The following DLC1 variants were observed in gnomAD, a reference collection of about 807,000 sequenced individuals.
The protein encoded by DLC1 is DLC1 Rho GTPase activating protein, also known as rho GTPase-activating protein 7.
Under a neutral mutation model 140.3 loss-of-function variants are expected in DLC1, and 54 were observed. The observed-to-expected ratio is 0.38, with a 90% CI of 0.31 to 0.48. The LOEUF (loss-of-function observed/expected upper bound fraction) is 0.48. Ranked by LOEUF, DLC1 falls within the 20% of genes least tolerant of loss-of-function variation. DLC1 has a pLI of 0.96. For missense variants in DLC1, 2,536 were observed against 1,907.0 expected, an observed-to-expected ratio of 1.33 and a Z score of -6.14; for synonymous variants, 986 against 728.1, an observed-to-expected ratio of 1.35 and a Z score of -5.70.
chr8:13,537,925 A>T (rs1803344412), intron 1 of DLC1, among the ~76,000 whole-genome samples: 1 of 152,110 alleles, frequency 6.6e-6, no homozygotes, highest in East Asian at 1.9e-4. Flanking sequence ...AAGTTCTGGG[A>T]TTACAGGCGT....
At chr8:13,095,314 T>C in intron 10 of DLC1, 69 bp from the exon 11 acceptor site, 1 of 1,592,738 alleles carries the variant, frequency 6.3e-7, no homozygotes, top group Non-Finnish European at 8.6e-7. Flanking sequence ...ACTTGTCCAA[T>C]TCTGCAGGCA....
At chr8:13,188,807 ATATATATATATATATATATG>A (rs1563149554) in intron 5 of DLC1, among the ~76,000 whole-genome samples, 5 of 36,896 alleles carry the variant, frequency 1.4e-4, no homozygotes, top group Admixed American at 5.8e-4. Context: ...GTGTGTATAT[ATATATATATATATATATATG>A]TATATATATA....
chr8:13,226,451 A>G (rs1005980876), intron 5 of DLC1, among the ~76,000 whole-genome samples: 3 of 152,208 alleles, frequency 2.0e-5, no homozygotes, highest in Non-Finnish European at 4.4e-5. Context: ...GTACTGATAT[A>G]TGGGCTAAAA....
At position 13,328,007 on chromosome 8, in the gene DLC1, A is replaced by T. The variant is rs1563256885; in HGVS notation, c.1315-22705T>A. Among the ~76,000 whole-genome samples the T allele has an allele frequency of 3.3e-5, 5 of 152,216 alleles. No homozygotes were observed. In the South Asian group the frequency reaches 1.0e-3, roughly 31 times the overall value. On this transcript the variant is annotated intron_variant, in intron 4 of 17. Transcript: ENST00000276297. ...AAAGTTCTAGGTAAGAATCTTGGCA[A>T]GAGTTCCAAGCTAGGATCTTAAAAT...
At chr8:13,288,744 C>T (rs1476033892) in intron 5 of DLC1, among the ~76,000 whole-genome samples, 1 of 152,128 alleles carries the variant, frequency 6.6e-6, no homozygotes, top group Non-Finnish European at 1.5e-5. Flanking sequence ...CTGCCCCTTT[C>T]CCCCTTTATT....
At chr8:13,254,335 C>T (rs1460631452) in intron 5 of DLC1, among the ~76,000 whole-genome samples, 4 of 152,212 alleles carry the variant, frequency 2.6e-5, no homozygotes, top group African/African-American at 7.2e-5. Flanking sequence ...ACTCAGGGGC[C>T]GGCTGCCTTT....
chr8:13,604,384 C>T (rs1805980055), intron 1 of DLC1, among the ~76,000 whole-genome samples: 1 of 152,132 alleles, frequency 6.6e-6, no homozygotes, highest in Admixed American at 6.6e-5. Context: ...TAGTCACAGA[C>T]ATTTTTCTTT....
chr8:13,125,630 C>T (rs908004290), intron 5 of DLC1, among the ~76,000 whole-genome samples: 1 of 152,108 alleles, frequency 6.6e-6, no homozygotes, highest in Non-Finnish European at 1.5e-5. Flanking sequence ...CCAGGTTAGG[C>T]CCTTCTTGCC....
intron 5 of DLC1, among the ~76,000 whole-genome samples, chr8:13,272,401 A>G (rs915531954): frequency 6.6e-6 from 1 of 152,144 alleles, no homozygotes; most frequent in Non-Finnish European, 1.5e-5. Flanking sequence ...AGATCATGCC[A>G]CTGCACTCCA....
chr8:13,417,545 C>T lies in DLC1; in HGVS notation c.1024-15926G>A, dbSNP rs75289409. Among the ~76,000 whole-genome samples, 330 of 151,144 alleles carry T rather than the reference C, an allele frequency of 2.2e-3. 2 individuals carry two copies. Among genetic ancestry groups the T allele is most frequent in the Middle Eastern group, 3.4e-3 (1 of 290 alleles). On this transcript the variant is annotated intron_variant, in intron 2 of 17. Coordinates refer to ENST00000276297, the MANE Select transcript of DLC1 (RefSeq NM_182643.3). ...TCCCTACAAAGGACATGAACTCATCCTTTTTTATGGCTGCATAGTATTCCA... is the reference window on the plus strand; with the variant it reads ...TCCCTACAAAGGACATGAACTCATCTTTTTTTATGGCTGCATAGTATTCCA...
At chr8:13,275,649 C>G (rs1831131705) in intron 5 of DLC1, among the ~76,000 whole-genome samples, 1 of 152,186 alleles carries the variant, frequency 6.6e-6, no homozygotes, top group East Asian at 1.9e-4. Flanking sequence ...GTGGCTGTCA[C>G]ATGAGCCCTA....
chr8:13,576,735 A>G (rs769635457), intron 1 of DLC1, among the ~76,000 whole-genome samples: 3 of 152,152 alleles, frequency 2.0e-5, no homozygotes. Flanking sequence ...AGAGTAGGGT[A>G]TGATCAGTAC....
chr8:13,494,544 C>T (rs988678815), intron 2 of DLC1, among the ~76,000 whole-genome samples: 6 of 152,098 alleles, frequency 3.9e-5, no homozygotes, highest in Non-Finnish European at 8.8e-5. Flanking sequence ...AGGCATAGAG[C>T]CTATATATTA....
intron 5 of DLC1, among the ~76,000 whole-genome samples, chr8:13,256,660 G>A (rs1830240383): frequency 6.6e-6 from 1 of 152,102 alleles, no homozygotes; most frequent in South Asian, 2.1e-4. Context: ...ACTCATAAGT[G>A]GGAGTTGAAC....
intron 1 of DLC1, chr8:13,557,509 A>C (rs1292919062): frequency 1.3e-5 from 2 of 152,214 alleles, no homozygotes; most frequent in African/African-American, 4.8e-5. Context: ...CCATGTGTCA[A>C]GGGAGGTTCC....
intron 4 of DLC1, among the ~76,000 whole-genome samples, chr8:13,353,849 C>T (rs200208015): frequency 1.0e-4 from 15 of 149,288 alleles, no homozygotes; most frequent in African/African-American, 3.7e-4. Context: ...AAGAGTGAGA[C>T]TTCGTCTGGA....
intron 9 of DLC1, 96 bp downstream of exon 9, chr8:13,099,251 C>T: frequency 2.7e-6 from 4 of 1,507,094 alleles, no homozygotes; most frequent in Non-Finnish European, 2.7e-6. Flanking sequence ...GCTAAGAATG[C>T]CAGACTTAAT....
chr8:13,121,314 A>G (rs1479411620), intron 5 of DLC1, among the ~76,000 whole-genome samples: 1 of 152,166 alleles, frequency 6.6e-6, no homozygotes, highest in Non-Finnish European at 1.5e-5. Flanking sequence ...ATTCCTTCAA[A>G]TGGGAAGGAA....
At chr8:13,188,801 G>GTGTATATATATATATA (rs1293675412) in intron 5 of DLC1, among the ~76,000 whole-genome samples, 23 of 71,882 alleles carry the variant, frequency 3.2e-4, no homozygotes, top group Non-Finnish European at 4.4e-4. Context: ...GTGTGTGTGT[G>GTGTATATATATATATA]TATATATATA....
Sources: allele counts gnomAD v4.1 joint callset (sites outside exome capture counted in the v4.1 genomes callset), GRCh38; gene constraint gnomAD v4.1.1; transcripts MANE v1.5; gene names NCBI Gene and HGNC (gene_info 2026-07-23, HGNC 2026-07-21).